ANKRD17: variants seen among roughly 807,000 people sequenced by gnomAD.
ANKRD17 encodes ankyrin repeat domain 17, also known as ankyrin repeat domain-containing protein 17.
A neutral mutation model predicts 229.7 loss-of-function variants in ANKRD17; 19 were observed. The observed-to-expected ratio is 0.08, with a 90% CI of 0.06 to 0.12. ANKRD17 has a LOEUF of 0.12. Ranked by LOEUF, ANKRD17 falls within the 10% of genes least tolerant of loss-of-function variation. The pLI, the probability that ANKRD17 is intolerant of heterozygous loss-of-function variation, is 1.00. For synonymous variants in ANKRD17, 1,112 were observed against 1,146.1 expected (o/e 0.97, Z 0.60); for missense variants, 2,176 against 3,176.8 (o/e 0.68, Z 7.57).
intron 15 of ANKRD17, among the ~76,000 whole-genome samples, chr4:73,138,722 T>C (rs1246015709): frequency 6.6e-6 from 1 of 152,144 alleles, no homozygotes; most frequent in Admixed American, 6.5e-5. Context: ...TCCTTCTCAG[T>C]ACAGCATTCT....
chr4:73,121,631 A>T lies in ANKRD17; in HGVS notation c.3621T>A (p.Ala1207=). 6.2e-7 allele frequency: 1 copy of T among 1,613,750 alleles called. No individual in the cohort carries two copies. Among genetic ancestry groups the T allele is most frequent in the Non-Finnish European group, 8.5e-7 (1 of 1,179,730 alleles). Reference sequence around the variant, plus strand: ...ATACAACTTGCCTAGAGTTAATCTCAGCTCCTGCATTTAGTAATATTTTGA... The same window carrying T: ...ATACAACTTGCCTAGAGTTAATCTCTGCTCCTGCATTTAGTAATATTTTGA... ...NIIKILLNAG[A]EINSRTGSKL... Residue 1207 remains alanine (A), a synonymous_variant, in exon 19 of 34, where the codon GCT becomes GCA. Transcript: ENST00000358602.
At chr4:73,156,391 GAAC>G (rs1168233588) in intron 3 of ANKRD17, among the ~76,000 whole-genome samples, 3 of 152,216 alleles carry the variant, frequency 2.0e-5, no homozygotes, top group Non-Finnish European at 4.4e-5. Flanking sequence ...TTACAGATGT[GAAC>G]AACCACACCC....
intron 24 of ANKRD17, 25 bp from the exon 25 acceptor site, chr4:73,102,572 A>C: frequency 1.3e-6 from 2 of 1,580,348 alleles, no homozygotes; most frequent in Non-Finnish European, 1.7e-6. Flanking sequence ...TAAAGCAGAA[A>C]TATAACGTTG....
intron 1 of ANKRD17, among the ~76,000 whole-genome samples, chr4:73,200,954 T>G (rs1372118522): frequency 8.6e-6 from 1 of 115,796 alleles, no homozygotes; most frequent in African/African-American, 3.5e-5. Flanking sequence ...AGGTATAGCT[T>G]TATGAATTAA....
At chr4:73,113,683 C>A (rs897523023) in intron 24 of ANKRD17, 109 bp downstream of exon 24, 6 of 883,338 alleles carry the variant, frequency 6.8e-6, no homozygotes, top group Non-Finnish European at 1.1e-5. Context: ...AAATCATGTA[C>A]GTAATTTAAA....
At chr4:73,142,619 A>G in intron 12 of ANKRD17, 21 bp downstream of exon 12, 2 of 1,613,928 alleles carry the variant, frequency 1.2e-6, no homozygotes, top group Non-Finnish European at 1.7e-6. Context: ...ACAATTCTGC[A>G]CAAACATTTG....
At chr4:73,140,738 A>C (rs531551881) in intron 14 of ANKRD17, among the ~76,000 whole-genome samples, 1 of 152,334 alleles carries the variant, frequency 6.6e-6, no homozygotes, top group Admixed American at 6.5e-5. Context: ...AAACACACAC[A>C]CATACACACA....
At chr4:73,201,330 A>G (rs1738647544) in intron 1 of ANKRD17, among the ~76,000 whole-genome samples, 2 of 152,128 alleles carry the variant, frequency 1.3e-5, no homozygotes, top group South Asian at 4.1e-4. Flanking sequence ...TTTTTTTACT[A>G]TAGGGAAATT....
At chr4:73,206,747 G>A (rs1200177831) in intron 1 of ANKRD17, among the ~76,000 whole-genome samples, 1 of 152,112 alleles carries the variant, frequency 6.6e-6, no homozygotes, top group East Asian at 1.9e-4. Flanking sequence ...AGAAGAAGAA[G>A]TTCAAGAGAT....
chr4:73,188,067 C>T (rs1160741949), intron 1 of ANKRD17, among the ~76,000 whole-genome samples: 2 of 151,834 alleles, frequency 1.3e-5, no homozygotes, highest in East Asian at 3.9e-4. Context: ...TTAAGCAAAA[C>T]AGAAAATCTC....
intron 1 of ANKRD17, among the ~76,000 whole-genome samples, chr4:73,214,743 C>A (rs1328363532): frequency 1.3e-5 from 2 of 151,198 alleles, no homozygotes; most frequent in African/African-American, 4.9e-5. Flanking sequence ...GTCGCTCACG[C>A]CTGTAATGCT....
chr4:73,106,427 T>A (rs1243793399), intron 24 of ANKRD17, among the ~76,000 whole-genome samples: 1 of 152,030 alleles, frequency 6.6e-6, no homozygotes, highest in Non-Finnish European at 1.5e-5. Flanking sequence ...GATTTAGATA[T>A]ATGAAAGTGA....
chr4:73,136,980 G>GTTTTT (rs33966935), intron 15 of ANKRD17, among the ~76,000 whole-genome samples: 1 of 131,216 alleles, frequency 7.6e-6, no homozygotes, highest in Non-Finnish European at 1.6e-5. Flanking sequence ...AAATTACAGA[G>GTTTTT]TTTTTTTTTT....
At position 73,135,415 on chromosome 4, in the gene ANKRD17, A is replaced by G. The variant is rs909058011; in HGVS notation, c.3086-150T>C. ...CTAATAACTAATTTTCCTGGTTATT[A>G]TTCACTGATGACAGTGTAAAATTGT... On this transcript the variant is annotated intron_variant, in intron 15 of 33. Coordinates refer to ENST00000358602, the MANE Select transcript of ANKRD17 (RefSeq NM_032217.5). The G allele has an allele frequency of 4.7e-6, 3 of 642,074 alleles. No individual in the cohort carries two copies. In the African/African-American group the frequency reaches 5.6e-5, roughly 12 times the overall value. 39.8% of individuals were successfully genotyped at this position (642,074 alleles called of 1,614,324 possible).
intron 8 of ANKRD17, among the ~76,000 whole-genome samples, chr4:73,147,724 T>C (rs986801582): frequency 6.6e-6 from 1 of 152,114 alleles, no homozygotes; most frequent in Admixed American, 6.6e-5. Context: ...CCTCTCATTA[T>C]AGTGATTCAA....
intron 1 of ANKRD17, among the ~76,000 whole-genome samples, chr4:73,216,317 TTAAACTA>T (rs950873783): frequency 6.6e-6 from 1 of 152,170 alleles, no homozygotes; most frequent in Non-Finnish European, 1.5e-5. Context: ...TTAATTTTCT[TTAAACTA>T]TAATTTCTAA....
At chr4:73,213,696 T>C (rs912938588) in intron 1 of ANKRD17, among the ~76,000 whole-genome samples, 19 of 152,176 alleles carry the variant, frequency 1.2e-4, no homozygotes, top group Non-Finnish European at 2.5e-4. Flanking sequence ...TATATAAACA[T>C]TGATATTTAT....
chr4:73,082,271 T>C (rs575822273), intron 30 of ANKRD17, among the ~76,000 whole-genome samples: 5 of 151,472 alleles, frequency 3.3e-5, no homozygotes, highest in Non-Finnish European at 7.4e-5. Flanking sequence ...GGAGTTCAAG[T>C]CCAGTCTGGG....
chr4:73,086,293 CA>C (rs1353229033), intron 29 of ANKRD17, among the ~76,000 whole-genome samples: 1 of 151,890 alleles, frequency 6.6e-6, no homozygotes, highest in East Asian at 1.9e-4. Context: ...GTTCCTATTT[CA>C]AAAACGAATG....
Sources: gnomAD v4.1 joint callset for allele counts (sites outside exome capture counted in the v4.1 genomes callset) on GRCh38, gnomAD v4.1.1 for gene constraint, MANE v1.5 for transcripts, NCBI Gene and HGNC (gene_info 2026-07-23, HGNC 2026-07-21) for gene names.